CACUL1: variants seen among roughly 807,000 people sequenced by gnomAD.
CACUL1 encodes CDK2-associated and cullin domain-containing protein 1.
CACUL1 carries 13 observed loss-of-function variants against 45.2 expected under a neutral mutation model. That is an observed-to-expected ratio of 0.29 (90% CI 0.19 to 0.46). The LOEUF is 0.46. Ranked by LOEUF, CACUL1 falls within the 20% of genes least tolerant of loss-of-function variation. CACUL1 has a pLI of 1.00. For synonymous variants in CACUL1, 197 were observed against 174.2 expected, an observed-to-expected ratio of 1.13 and a Z score of -1.03; for missense variants, 421 against 471.4, an observed-to-expected ratio of 0.89 and a Z score of 0.99.
At chr10:118,722,158 A>C (rs1284453125) in intron 3 of CACUL1, among the ~76,000 whole-genome samples, 1 of 149,820 alleles carries the variant, frequency 6.7e-6, no homozygotes, top group East Asian at 2.0e-4. Flanking sequence ...ATCTCGGCTC[A>C]CTGCAACCTC....
At chr10:118,720,533 C>T (rs2119619522) in intron 3 of CACUL1, among the ~76,000 whole-genome samples, 1 of 152,258 alleles carries the variant, frequency 6.6e-6, no homozygotes, top group South Asian at 2.1e-4. Flanking sequence ...ACTCTGTACA[C>T]CATGCAAATG....
chr10:118,730,189 T>C (rs974188135), intron 2 of CACUL1, 95 bp downstream of exon 2: 1 of 1,274,570 alleles, frequency 7.8e-7, no homozygotes, highest in African/African-American at 1.5e-5. Context: ...CCTCATCTTA[T>C]GCATTCTACA....
intron 3 of CACUL1, among the ~76,000 whole-genome samples, chr10:118,716,068 T>C (rs1446992135): frequency 6.6e-6 from 1 of 151,946 alleles, no homozygotes; most frequent in Admixed American, 6.6e-5. Flanking sequence ...CCGTCTCTAC[T>C]AAAAATACTA....
chr10:118,739,318 T>G (rs529188485), intron 1 of CACUL1, among the ~76,000 whole-genome samples: 1 of 151,276 alleles, frequency 6.6e-6, no homozygotes, highest in South Asian at 2.1e-4. Context: ...AATTCAACAT[T>G]TGACTACCAA....
rs1845199906 is a variant in CACUL1 at position 118,685,930 on chromosome 10, A to G, written c.*198T>C. 2 of 406,630 alleles carry G rather than the reference A, an allele frequency of 4.9e-6. No individual in the cohort carries two copies. Among genetic ancestry groups the G allele is most frequent in the African/African-American group, 4.1e-5 (2 of 49,282 alleles). 25.2% of individuals were successfully genotyped at this position (406,630 alleles called of 1,614,324 possible). On this transcript the variant is annotated 3_prime_UTR_variant, in exon 9 of 9. Transcript: ENST00000369151. ...TTGTCCCATTTCAAAATCACCCCCA[A>G]GTCTAGCAGCAACGTTTTTTTTTTT...
Position 118,677,406 on chromosome 10 carries a change from G to C in CACUL1, c.*8722C>G, listed in dbSNP as rs1845108740. The C allele has an allele frequency of 6.6e-6, 1 of 152,110 alleles. No homozygotes were observed. Among genetic ancestry groups the C allele is most frequent in the Non-Finnish European group, 1.5e-5 (1 of 68,026 alleles). 9.4% of individuals were successfully genotyped at this position (152,110 alleles called of 1,614,324 possible). On this transcript the variant is annotated 3_prime_UTR_variant, in exon 9 of 9. Coordinates refer to ENST00000369151, the MANE Select transcript of CACUL1 (RefSeq NM_153810.5). ...TACACTGAATATACATTAACTCAGA[G>C]AACTGGCATGTTTAGAATGGTCCAA...
chr10:118,690,637 C>T (rs1554894061), intron 7 of CACUL1, among the ~76,000 whole-genome samples: 2 of 152,168 alleles, frequency 1.3e-5, no homozygotes, highest in Non-Finnish European at 2.9e-5. Context: ...CATAAAAGTA[C>T]ATTATAACAG....
chr10:118,754,919 G>A lies in CACUL1; in HGVS notation c.-157C>T. On this transcript the variant is annotated 5_prime_UTR_variant, in exon 1 of 9. Transcript: ENST00000369151. ...TGCGCAGGGTCTCTCGCTCTCCGCGGGGCCGACTAGCTTGAAGACGCGGCT... is the reference window on the plus strand; with the variant it reads ...TGCGCAGGGTCTCTCGCTCTCCGCGAGGCCGACTAGCTTGAAGACGCGGCT... 9.6e-7 allele frequency: 1 copy of A among 1,047,048 alleles called. No individual in the cohort carries two copies. The highest frequency in any genetic ancestry group is 1.7e-5 in the African/African-American group (1 of 59,216). 64.9% of individuals were successfully genotyped at this position (1,047,048 alleles called of 1,614,324 possible).
At position 118,730,443 on chromosome 10, in the gene CACUL1, G is replaced by T. The variant is rs367873196; in HGVS notation, c.368-33C>A. 1.9e-6 allele frequency: 3 copies of T among 1,559,982 alleles called. No individual in the cohort carries two copies. The Admixed American group carries it at 5.4e-5, about 28-fold the overall frequency. On this transcript the variant is annotated intron_variant, in intron 1 of 8. Coordinates refer to ENST00000369151, the MANE Select transcript of CACUL1 (RefSeq NM_153810.5). Reference sequence around the variant, plus strand: ...TAAAAAGTAAAATAAATATTACTACGTGCCACATGTGGAGCAAACACAAAT... The same window carrying T: ...TAAAAAGTAAAATAAATATTACTACTTGCCACATGTGGAGCAAACACAAAT...
chr10:118,696,330 T>G (rs888244951), intron 5 of CACUL1, among the ~76,000 whole-genome samples: 4 of 151,820 alleles, frequency 2.6e-5, no homozygotes, highest in Non-Finnish European at 4.4e-5. Context: ...TAAAAAAAAA[T>G]TGCAAAAAAA....
At chr10:118,700,644 G>C (rs571983846) in intron 5 of CACUL1, among the ~76,000 whole-genome samples, 20 of 147,762 alleles carry the variant, frequency 1.4e-4, no homozygotes, top group African/African-American at 4.8e-4. Context: ...GTGAACCCGA[G>C]AGGCAGAGCT....
chr10:118,718,491 C>A (rs1452571630), intron 3 of CACUL1, among the ~76,000 whole-genome samples: 2 of 152,238 alleles, frequency 1.3e-5, no homozygotes, highest in African/African-American at 4.8e-5. Flanking sequence ...ATCTGTGTGG[C>A]TGCTTTCACC....
chr10:118,700,518 C>A (rs1162245471), intron 5 of CACUL1, among the ~76,000 whole-genome samples: 1 of 151,950 alleles, frequency 6.6e-6, no homozygotes, highest in Admixed American at 6.6e-5. Context: ...AAGATTGAGA[C>A]CATCCTGGCC....
chr10:118,710,400 T>C (rs370794268), intron 3 of CACUL1, among the ~76,000 whole-genome samples: 1 of 152,190 alleles, frequency 6.6e-6, no homozygotes, highest in Non-Finnish European at 1.5e-5. Context: ...ACTTAAATTC[T>C]CTTTTGGCAC....
intron 1 of CACUL1, among the ~76,000 whole-genome samples, chr10:118,734,555 C>G (rs983673769): frequency 7.9e-5 from 12 of 152,088 alleles, no homozygotes; most frequent in African/African-American, 2.9e-4. Flanking sequence ...TTAAAGAAGG[C>G]ACTACAGGCA....
At chr10:118,700,608 T>C (rs1279324138) in intron 5 of CACUL1, among the ~76,000 whole-genome samples, 1 of 150,926 alleles carries the variant, frequency 6.6e-6, no homozygotes, top group Non-Finnish European at 1.5e-5. Flanking sequence ...TCCCAGCTAC[T>C]CGGGAGGCTG....
intron 1 of CACUL1, among the ~76,000 whole-genome samples, chr10:118,733,783 G>A (rs12772930): frequency 0.26 from 39,328 of 152,068 alleles, 6,450 homozygotes; most frequent in South Asian, 0.37. Flanking sequence ...AGACCGAGGC[G>A]AGAGCACCGC....
intron 1 of CACUL1, among the ~76,000 whole-genome samples, chr10:118,742,564 C>G (rs972120362): frequency 2.6e-5 from 4 of 152,158 alleles, no homozygotes; most frequent in African/African-American, 9.7e-5. Flanking sequence ...AACAGAGGCT[C>G]ACTCCTGTAA....
intron 5 of CACUL1, among the ~76,000 whole-genome samples, chr10:118,699,104 T>C (rs1004712061): frequency 6.6e-6 from 1 of 152,220 alleles, no homozygotes; most frequent in Non-Finnish European, 1.5e-5. Flanking sequence ...ATATAGGTCC[T>C]ACCACATACA....
Sources: gnomAD v4.1 joint callset for allele counts (sites outside exome capture counted in the v4.1 genomes callset) on GRCh38, gnomAD v4.1.1 for gene constraint, MANE v1.5 for transcripts, NCBI Gene and HGNC (gene_info 2026-07-23, HGNC 2026-07-21) for gene names.